The following IQCF1 variants were observed in gnomAD, a reference collection of about 807,000 sequenced individuals.
IQCF1 encodes the protein IQ domain-containing protein F1.
A neutral mutation model predicts 12.5 loss-of-function variants in IQCF1; 9 were observed. The observed-to-expected ratio is 0.72, with a 90% CI of 0.43 to 1.26. The LOEUF is 1.26. IQCF1 is among the 50% of genes most tolerant of loss of function. The pLI is 0.00. For missense variants in IQCF1, 252 were observed against 257.4 expected, an observed-to-expected ratio of 0.98 and a Z score of 0.14; for synonymous variants, 67 against 96.2, an observed-to-expected ratio of 0.70 and a Z score of 1.78.
intron 2 of IQCF1, among the ~76,000 whole-genome samples, chr3:51,901,676 A>C (rs1699077286): frequency 6.6e-6 from 1 of 152,234 alleles, no homozygotes; most frequent in Non-Finnish European, 1.5e-5. Flanking sequence ...ACATCTATTT[A>C]AATGCAATTG....
chr3:51,901,882 G>A (rs912497805), intron 2 of IQCF1, among the ~76,000 whole-genome samples: 2 of 152,200 alleles, frequency 1.3e-5, no homozygotes, highest in Non-Finnish European at 2.9e-5. Flanking sequence ...GCTACTAGCC[G>A]GATGGCTTGG....
intron 2 of IQCF1, among the ~76,000 whole-genome samples, chr3:51,899,917 G>T (rs1053908771): frequency 1.4e-4 from 22 of 152,080 alleles, no homozygotes; most frequent in African/African-American, 5.3e-4. Flanking sequence ...GGCTTTCTTT[G>T]GTCTAAAAAC....
At chr3:51,896,362 A>C (rs1159128954) in intron 3 of IQCF1, among the ~76,000 whole-genome samples, 2 of 152,132 alleles carry the variant, frequency 1.3e-5, no homozygotes, top group Admixed American at 1.3e-4. Context: ...GGACCAAACC[A>C]ATGTATTTCT....
intron 2 of IQCF1, among the ~76,000 whole-genome samples, chr3:51,897,606 C>T (rs889471981): frequency 3.3e-5 from 5 of 152,198 alleles, no homozygotes; most frequent in African/African-American, 1.2e-4. Context: ...AAGAAACTGG[C>T]CAGCAACCTA....
rs1419938552 is a variant in IQCF1, at chr3:51,895,667, GT to G, written c.172-332del. On this transcript the variant is annotated intron_variant, in intron 3 of 3. Coordinates refer to ENST00000310914, the MANE Select transcript of IQCF1 (RefSeq NM_152397.3). This position sits in a 1 kb window ranked among gnomAD's most constrained non-coding sequence, Gnocchi z 4.8. ...TGATATAGGGTCAAAGGGTTACCAT[GT>G]TCCACCCAGGCCTGATCCTTTCTTT... Among the ~76,000 whole-genome samples the G allele has an allele frequency of 1.3e-5, 2 of 152,178 alleles. No homozygotes were observed. The highest frequency in any genetic ancestry group is 2.9e-5 in the Non-Finnish European group (2 of 68,034).
rs769265512 is a variant in IQCF1, at chr3:51,894,927, A to G, written c.581T>C (p.Ile194Thr). ...TGAGAAGGGAATACACTCTGTCACA[A>G]TGCAAGGCCCTGAGTCCAGCAAGAT... ...LEILLDSGPC[I>T]VTECIPFSIK... is the part of the protein sequence containing the mutation. The change falls in exon 4 of 4, where the codon ATT becomes ACT. Residue 194 changes from isoleucine to threonine, a missense_variant. By Grantham distance (89) the Ile-to-Thr change is moderately conservative. Coordinates refer to ENST00000310914, the MANE Select transcript of IQCF1 (RefSeq NM_152397.3). The G allele has an allele frequency of 1.2e-6, 2 of 1,614,156 alleles. No individual in the cohort carries two copies. The highest frequency in any genetic ancestry group is 2.2e-5 in the South Asian group (2 of 91,046).
intron 2 of IQCF1, among the ~76,000 whole-genome samples, chr3:51,897,959 C>A (rs1699030858): frequency 2.0e-5 from 3 of 152,216 alleles, no homozygotes; most frequent in African/African-American, 7.2e-5. Context: ...CGAGACGTCC[C>A]TGCTTTGAGG....
chr3:51,895,386 A>C lies in IQCF1; in HGVS notation c.172-50T>G. On this transcript the variant is annotated intron_variant, in intron 3 of 3. Transcript: ENST00000310914. This position sits in a 1 kb window ranked among gnomAD's most constrained non-coding sequence, Gnocchi z 4.8. ...TCAGAGAATGCTCCCCACTGGCTTC[A>C]GCTCTGGGGTGTGCCAGGAAAGGCC... 1 of 1,497,838 alleles carries C rather than the reference A, an allele frequency of 6.7e-7. No homozygotes were observed. Among genetic ancestry groups the C allele is most frequent in the Non-Finnish European group, 9.0e-7 (1 of 1,106,940 alleles). The allele number at this position is 1,497,838 out of a possible 1,614,324, so 92.8% of individuals were successfully genotyped here. A position where few individuals can be genotyped will look rare whatever the true frequency, so the allele number is the denominator to read the frequency against.
In IQCF1 at chr3:51,900,578, A is replaced by T. The variant is rs1243934334; in HGVS notation, c.108+2407T>A. Among the ~76,000 whole-genome samples the T allele has an allele frequency of 1.3e-5, 2 of 152,094 alleles. No individual in the cohort carries two copies. The highest frequency in any genetic ancestry group is 2.9e-5 in the Non-Finnish European group (2 of 68,020). ...GGTATTAGTGAATTGGGACCATTTA[A>T]TCCTGGGAGATTTTGATAAAGACCC... On this transcript the variant is annotated intron_variant, in intron 2 of 3. Transcript: ENST00000310914. The surrounding 1 kb of genome is among the most constrained non-coding windows in gnomAD (Gnocchi z 4.2).
rs113448010 is a variant in IQCF1, at chr3:51,903,250, T to C, written c.3+20A>G. ...ATGGGGACATCCCTAACAAGCCTGG[T>C]GTGTCTGGCTTTCTCTTACCATTGG... On this transcript the variant is annotated intron_variant, in intron 1 of 3. Coordinates refer to ENST00000310914, the MANE Select transcript of IQCF1 (RefSeq NM_152397.3). The C allele has an allele frequency of 6.2e-7, 1 of 1,613,588 alleles. No individual in the cohort carries two copies. Among genetic ancestry groups the C allele is most frequent in the Non-Finnish European group, 8.5e-7 (1 of 1,179,490 alleles).
At chr3:51,902,157 G>T (rs1363697352) in intron 2 of IQCF1, among the ~76,000 whole-genome samples, 2 of 152,124 alleles carry the variant, frequency 1.3e-5, no homozygotes, top group Non-Finnish European at 2.9e-5. Context: ...AGCCGCAATG[G>T]GTGTATTTAT....
intron 3 of IQCF1, 95 bp downstream of exon 3, chr3:51,896,737 A>T: frequency 1.1e-6 from 1 of 942,170 alleles, no homozygotes; most frequent in Non-Finnish European, 1.8e-6. Flanking sequence ...ACATACTTCT[A>T]ACTGAGCCCA....
At position 51,900,702 on chromosome 3, in the gene IQCF1, A is replaced by G. The variant is rs1276470328; in HGVS notation, c.108+2283T>C. Among the ~76,000 whole-genome samples, 2 of 152,178 alleles carry G rather than the reference A, an allele frequency of 1.3e-5. No individual in the cohort carries two copies. Among genetic ancestry groups the G allele is most frequent in the Non-Finnish European group, 2.9e-5 (2 of 68,042 alleles). On this transcript the variant is annotated intron_variant, in intron 2 of 3. Transcript: ENST00000310914. This position sits in a 1 kb window ranked among gnomAD's most constrained non-coding sequence, Gnocchi z 4.2. ...CTAAAGAGCAAGGATGGACTGCCCC[A>G]ACCGGTTTTTGTAATTTCCTAAAAC... is the stretch of plus-strand genomic sequence containing the variant.
At chr3:51,901,815 CAGCGATTTATTAACTACACT>C (rs1293969688) in intron 2 of IQCF1, among the ~76,000 whole-genome samples, 1 of 152,218 alleles carries the variant, frequency 6.6e-6, no homozygotes, top group Non-Finnish European at 1.5e-5. Context: ...CTACAACCAA[CAGCGATTTATTAACTACACT>C]AGAGATGGTG....
At chr3:51,901,120 G>A (rs529004265) in intron 2 of IQCF1, among the ~76,000 whole-genome samples, 16 of 152,188 alleles carry the variant, frequency 1.1e-4, no homozygotes, top group Non-Finnish European at 2.1e-4. Flanking sequence ...CAAATATTCC[G>A]TCCGCACATT....
chr3:51,896,730 T>C (rs1326088447), intron 3 of IQCF1, 102 bp downstream of exon 3: 10 of 818,744 alleles, frequency 1.2e-5, no homozygotes, highest in South Asian at 6.9e-5. Flanking sequence ...CACACACACA[T>C]ACTTCTAACT....
At chr3:51,901,961 A>AT (rs1368089436) in intron 2 of IQCF1, among the ~76,000 whole-genome samples, 4 of 152,206 alleles carry the variant, frequency 2.6e-5, no homozygotes, top group African/African-American at 9.6e-5. Flanking sequence ...TTAAAACTCA[A>AT]TGTTGTACCT....
chr3:51,896,710 C>T (rs1699007787), intron 3 of IQCF1, 122 bp downstream of exon 3: 3 of 744,954 alleles, frequency 4.0e-6, no homozygotes, highest in Non-Finnish European at 7.3e-6. Context: ...CACACACACA[C>T]ACGCACACAC....
intron 2 of IQCF1, chr3:51,902,747 G>A (rs1389015481): frequency 2.1e-6 from 1 of 478,190 alleles, no homozygotes; most frequent in East Asian, 4.3e-5. Flanking sequence ...CGTGCATCAG[G>A]GATAAGAACC....
Sources: allele counts gnomAD v4.1 joint callset (sites outside exome capture counted in the v4.1 genomes callset), GRCh38; gene constraint gnomAD v4.1.1; non-coding constraint Gnocchi (gnomAD v3.1); transcripts MANE v1.5; gene names NCBI Gene and HGNC (gene_info 2026-07-23, HGNC 2026-07-21).